The following TMEM176B variants were observed in gnomAD, a reference collection of about 807,000 sequenced individuals.
TMEM176B encodes the protein LR8-like protein.
A neutral mutation model predicts 30.3 loss-of-function variants in TMEM176B; 28 were observed. The ratio of observed to expected loss-of-function variants is 0.92; its 90% CI spans 0.68 to 1.27. The LOEUF is 1.27. Among genes scored for constraint, TMEM176B ranks in the 50% most tolerant of loss-of-function variants. The pLI is 0.00. For missense variants in TMEM176B, 349 were observed against 327.4 expected (o/e 1.07, Z -0.51); for synonymous variants, 123 against 130.3 (o/e 0.94, Z 0.38).
At position 150,796,423 on chromosome 7, in the gene TMEM176B, G is replaced by A. The variant is rs1196656823; in HGVS notation, c.147C>T (p.His49=). The stretch of plus-strand genomic sequence containing the variant: ...CTGTGGAAGGCACAGTGTCCCCAGG[G>A]TGAAAAAGAAACTTCTTCAGAGAAC... ...AGGSLKKFLF[H]PGDTVPSTAR... is the part of the protein sequence containing the mutation. The change falls in exon 2 of 7, where the codon CAC becomes CAT. Residue 49 remains histidine (H), a synonymous_variant. Transcript: ENST00000326442. 2.5e-6 allele frequency: 4 copies of A among 1,614,178 alleles called. No homozygotes were observed. Among genetic ancestry groups the A allele is most frequent in the Non-Finnish European group, 3.4e-6 (4 of 1,180,036 alleles).
chr7:150,799,008 C>T (rs931785587), intron 1 of TMEM176B, among the ~76,000 whole-genome samples: 1 of 152,042 alleles, frequency 6.6e-6, no homozygotes, highest in Non-Finnish European at 1.5e-5. Flanking sequence ...AAAGGACTTC[C>T]CCGTTTCGAG....
At chr7:150,792,975 C>T in intron 5 of TMEM176B, 113 bp downstream of exon 5, 1 of 958,028 alleles carries the variant, frequency 1.0e-6, no homozygotes. Flanking sequence ...GAATGAAAGA[C>T]CCAGCATGAA....
intron 3 of TMEM176B, 133 bp downstream of exon 3, chr7:150,793,828 C>T (rs1798413893): frequency 1.1e-6 from 1 of 903,650 alleles, no homozygotes; most frequent in East Asian, 2.5e-5. Context: ...CCAGAGCAGC[C>T]TCCTCATGGC....
At position 150,791,518 on chromosome 7, in the gene TMEM176B, G is replaced by C. The variant is rs763509870; in HGVS notation, c.*13C>G. ...ACAGGGACATGCGGGCACCCCGTGG[G>C]GTCTTTGGCAGCTCACAGGACAATG... On this transcript the variant is annotated 3_prime_UTR_variant, in exon 7 of 7. Coordinates refer to ENST00000326442, the MANE Select transcript of TMEM176B (RefSeq NM_001101312.2). The C allele has an allele frequency of 6.2e-7, 1 of 1,612,204 alleles. No homozygotes were observed. The highest frequency in any genetic ancestry group is 1.1e-5 in the South Asian group (1 of 91,014).
chr7:150,791,926 A>C (rs886903830), intron 6 of TMEM176B, 130 bp downstream of exon 6: 6 of 1,340,694 alleles, frequency 4.5e-6, no homozygotes, highest in Non-Finnish European at 6.1e-6. Context: ...GGAGAGCTGC[A>C]TATGGAAAGA....
upstream of TMEM176B, chr7:150,801,063 T>G (rs1585290954): frequency 1.1e-6 from 1 of 920,728 alleles, no homozygotes; most frequent in Non-Finnish European, 1.3e-6. Context: ...CAGCAGTCGG[T>G]GGAGCGGGAG....
intron 1 of TMEM176B, among the ~76,000 whole-genome samples, chr7:150,798,181 C>T (rs1469999135): frequency 6.6e-6 from 1 of 152,182 alleles, no homozygotes; most frequent in African/African-American, 2.4e-5. Context: ...CCAGAAAATA[C>T]CCCCAACCAC....
chr7:150,799,780 C>A (rs559136407), intron 1 of TMEM176B, among the ~76,000 whole-genome samples: 10 of 152,340 alleles, frequency 6.6e-5, no homozygotes, highest in African/African-American at 2.2e-4. Flanking sequence ...GCCCCCAGGA[C>A]CACCGCTTCC....
In TMEM176B at chr7:150,793,615, C is replaced by A. The variant is rs1381774670; in HGVS notation, c.316-15G>T. The A allele has an allele frequency of 6.2e-7, 1 of 1,612,312 alleles. No homozygotes were observed. Among genetic ancestry groups the A allele is most frequent in the Non-Finnish European group, 8.5e-7 (1 of 1,179,214 alleles). On this transcript the variant is annotated splice_polypyrimidine_tract_variant and intron_variant, in intron 3 of 6. Coordinates refer to ENST00000326442, the MANE Select transcript of TMEM176B (RefSeq NM_001101312.2). ...GCTGCGATCACCTGAAAAGAGACAC[C>A]AGAAAAAGGCCTCCAGTTTACTCTT...
chr7:150,791,324 G>A lies in TMEM176B; in HGVS notation c.*207C>T. On this transcript the variant is annotated 3_prime_UTR_variant, in exon 7 of 7. Transcript: ENST00000326442. ...ACTGCTTTTCTGGATTGTTTATTAT[G>A]TTTAATCAGCATTGTGGAAAATGCA... The A allele has an allele frequency of 2.0e-6, 1 of 504,118 alleles. No individual in the cohort carries two copies. Among genetic ancestry groups the A allele is most frequent in the South Asian group, 3.5e-5 (1 of 28,446 alleles). 31.2% of individuals were successfully genotyped at this position (504,118 alleles called of 1,614,324 possible).
intron 3 of TMEM176B, 131 bp from the exon 4 acceptor site, chr7:150,793,731 C>T: frequency 9.6e-7 from 1 of 1,040,988 alleles, no homozygotes; most frequent in Non-Finnish European, 1.4e-6. Flanking sequence ...AACTCTGACA[C>T]ACAGACCAGG....
chr7:150,796,811 C>T (rs528886870), intron 1 of TMEM176B: 29 of 482,372 alleles, frequency 6.0e-5, no homozygotes, highest in Middle Eastern at 5.9e-4. Flanking sequence ...ATACAAAAAT[C>T]CGCACGGTGG....
chr7:150,794,907 CCACACACACACACACACACA>C (rs3220239), intron 2 of TMEM176B, among the ~76,000 whole-genome samples: 1 of 141,592 alleles, frequency 7.1e-6, no homozygotes, highest in Non-Finnish European at 1.5e-5. Flanking sequence ...TCCCCTACTA[CCACACACACACACACACACA>C]CACACACACA....
Position 150,794,079 on chromosome 7 carries a change from A to G in TMEM176B, c.205-8T>C. Reference sequence around the variant, plus strand: ...CAGCAATATCTGAGTCACCTGCAAGACAGGATGAGAAACCAGACCCCTTCC... The same window carrying G: ...CAGCAATATCTGAGTCACCTGCAAGGCAGGATGAGAAACCAGACCCCTTCC... On this transcript the variant is annotated splice_region_variant and splice_polypyrimidine_tract_variant and intron_variant, in intron 2 of 6. Coordinates refer to ENST00000326442, the MANE Select transcript of TMEM176B (RefSeq NM_001101312.2). 1.2e-6 allele frequency: 2 copies of G among 1,608,644 alleles called. No individual in the cohort carries two copies. Among genetic ancestry groups the G allele is most frequent in the Non-Finnish European group, 1.7e-6 (2 of 1,176,910 alleles).
intron 1 of TMEM176B, among the ~76,000 whole-genome samples, chr7:150,799,321 T>C (rs2116715414): frequency 6.6e-6 from 1 of 152,386 alleles, no homozygotes; most frequent in African/African-American, 2.4e-5. Flanking sequence ...TCTCATGGGC[T>C]AGGCATCATT....
Position 150,791,302 on chromosome 7 carries a change from G to A in TMEM176B, c.*229C>T, listed in dbSNP as rs1353722802. On this transcript the variant is annotated 3_prime_UTR_variant, in exon 7 of 7. Coordinates refer to ENST00000326442, the MANE Select transcript of TMEM176B (RefSeq NM_001101312.2). Reference sequence around the variant, plus strand: ...AAACCATATCTTTCTGGGCAAAACTGCTTTTCTGGATTGTTTATTATGTTT... The same window carrying A: ...AAACCATATCTTTCTGGGCAAAACTACTTTTCTGGATTGTTTATTATGTTT... 5 of 450,972 alleles carry A rather than the reference G, an allele frequency of 1.1e-5. No homozygotes were observed. Among genetic ancestry groups the A allele is most frequent in the Non-Finnish European group, 2.0e-5 (5 of 254,014 alleles). The allele number at this position is 450,972 out of a possible 1,614,324, so 27.9% of individuals were successfully genotyped here. A position where few individuals can be genotyped will look rare whatever the true frequency, so the allele number is the denominator to read the frequency against.
chr7:150,798,797 C>A (rs912460815), intron 1 of TMEM176B, among the ~76,000 whole-genome samples: 3 of 152,156 alleles, frequency 2.0e-5, no homozygotes, highest in Non-Finnish European at 4.4e-5. Context: ...GCTCTCCGTT[C>A]ACATCCTATG....
At chr7:150,795,512 T>C (rs946197711) in intron 2 of TMEM176B, among the ~76,000 whole-genome samples, 3 of 152,232 alleles carry the variant, frequency 2.0e-5, no homozygotes, top group Admixed American at 2.0e-4. Flanking sequence ...GTTCCAGTCA[T>C]TAGTGTAGCT....
chr7:150,796,701 G>T, intron 1 of TMEM176B, 127 bp from the exon 2 acceptor site: 1 of 915,012 alleles, frequency 1.1e-6, no homozygotes, highest in Non-Finnish European at 1.7e-6. Context: ...GCTCACGCCT[G>T]TAATCCCAGT....
Sources: allele counts gnomAD v4.1 joint callset (sites outside exome capture counted in the v4.1 genomes callset), GRCh38; gene constraint gnomAD v4.1.1; transcripts MANE v1.5; gene names NCBI Gene and HGNC (gene_info 2026-07-23, HGNC 2026-07-21).